SLC25A37: variants seen among roughly 807,000 people sequenced by gnomAD.
The protein encoded by SLC25A37 is mitoferrin-1.
A neutral mutation model predicts 31.0 loss-of-function variants in SLC25A37; 17 were observed. The ratio of observed to expected loss-of-function variants is 0.55; its 90% CI spans 0.38 to 0.82. SLC25A37 has a LOEUF of 0.82. Among genes scored for constraint, SLC25A37 ranks in the 40% least tolerant of loss-of-function variants. SLC25A37 has a pLI of 0.00. For missense variants in SLC25A37, 404 were observed against 465.8 expected, an observed-to-expected ratio of 0.87 and a Z score of 1.22; for synonymous variants, 222 against 193.0, an observed-to-expected ratio of 1.15 and a Z score of -1.24.
At chr8:23,549,206 C>T (rs1334084962) in intron 1 of SLC25A37, among the ~76,000 whole-genome samples, 2 of 152,196 alleles carry the variant, frequency 1.3e-5, no homozygotes, top group East Asian at 1.9e-4. Context: ...GTAGTAGCAG[C>T]GTTTTCTTGC....
At chr8:23,571,188 C>T in intron 3 of SLC25A37, 147 bp from the exon 4 acceptor site, 2 of 941,736 alleles carry the variant, frequency 2.1e-6, no homozygotes, top group Non-Finnish European at 3.1e-6. Context: ...CAGACTAGGG[C>T]TGTGTGTGCT....
chr8:23,548,240 G>A (rs552257893), intron 1 of SLC25A37, among the ~76,000 whole-genome samples: 4 of 152,026 alleles, frequency 2.6e-5, no homozygotes, highest in African/African-American at 4.8e-5. Context: ...CTGCAGTGGC[G>A]CGATCTCGGT....
rs60598421 is a variant in SLC25A37 at position 23,546,602 on chromosome 8, A to ATGTG, written c.210+17406_210+17409dup. On this transcript the variant is annotated intron_variant, in intron 1 of 3. Coordinates refer to ENST00000519973, the MANE Select transcript of SLC25A37 (RefSeq NM_016612.4). Reference sequence around the variant, plus strand: ...TATATAGTGTATATATATATAGTGTATGTGTGTGTGTGTGTGTGTATATAT... The same window carrying ATGTG: ...TATATAGTGTATATATATATAGTGTATGTGTGTGTGTGTGTGTGTGTGTATATAT... 1.7e-4 allele frequency among the ~76,000 whole-genome samples: 10 copies of ATGTG among 58,008 alleles called. 1 individual carries two copies. The East Asian group carries it at 5.9e-3, about 34-fold the overall frequency. The allele number at this position is 58,008 out of a possible 152,430, so 38.1% of individuals were successfully genotyped here. A position where few individuals can be genotyped will look rare whatever the true frequency, so the allele number is the denominator to read the frequency against.
intron 1 of SLC25A37, among the ~76,000 whole-genome samples, chr8:23,534,058 C>T (rs1165464274): frequency 6.6e-6 from 1 of 152,202 alleles, no homozygotes; most frequent in Non-Finnish European, 1.5e-5. Flanking sequence ...GAGTGATCCT[C>T]CCAGCTCAGA....
At position 23,529,172 on chromosome 8, in the gene SLC25A37, T is replaced by G. The variant is rs762308602; in HGVS notation, c.170T>G (p.Ile57Ser). Reference protein sequence around the residue: ...THMTAGAMAGILEHSVMYPVD... With the variant: ...THMTAGAMAGSLEHSVMYPVD... Reference sequence around the variant, plus strand: ...ATGACAGCAGGAGCGATGGCCGGGATCCTGGAGCACTCGGTCATGTACCCG... The same window carrying G: ...ATGACAGCAGGAGCGATGGCCGGGAGCCTGGAGCACTCGGTCATGTACCCG... The change falls in exon 1 of 4, where the codon ATC becomes AGC. Residue 57 changes from isoleucine (I) to serine (S), a missense_variant. Physicochemically the swap from Ile to Ser is moderately radical, Grantham distance 142 (BLOSUM62 -2). Coordinates refer to ENST00000519973, the MANE Select transcript of SLC25A37 (RefSeq NM_016612.4). The surrounding 1 kb of genome is among the most constrained non-coding windows in gnomAD (Gnocchi z 4.1). 1.3e-5 allele frequency: 21 copies of G among 1,611,338 alleles called. No individual in the cohort carries two copies. The highest frequency in any genetic ancestry group is 1.8e-5 in the Non-Finnish European group (21 of 1,179,040).
intron 1 of SLC25A37, among the ~76,000 whole-genome samples, chr8:23,563,994 A>G (rs1230362024): frequency 6.6e-6 from 1 of 152,172 alleles, no homozygotes; most frequent in Non-Finnish European, 1.5e-5. Flanking sequence ...GAAAAAAATA[A>G]AAATAAAGCT....
chr8:23,558,860 A>G (rs1398253227), intron 1 of SLC25A37, among the ~76,000 whole-genome samples: 2 of 152,074 alleles, frequency 1.3e-5, no homozygotes, highest in Admixed American at 1.3e-4. Context: ...GCAGCACGTG[A>G]GGGCTCCTCT....
In SLC25A37 at chr8:23,571,655, G is replaced by C. The variant is rs1458092512; in HGVS notation, c.817G>C (p.Ala273Pro). The change falls in exon 4 of 4, where the codon GCC becomes CCC. Residue 273 changes from alanine (A) to proline (P), a missense_variant. Ala to Pro is a conservative substitution (Grantham distance 27). Around this residue, in one of 3 missense-constraint regions of SLC25A37, gnomAD observed 243 missense variants for 284.4 expected, o/e 0.85. Transcript: ENST00000519973. ...NTQENVALSLANISGRLSGMA... is the reference protein window; with the variant it reads ...NTQENVALSLPNISGRLSGMA... ...TCAGGAGAACGTGGCCCTCTCGCTG[G>C]CCAACATCAGCGGCCGGCTGTCGGG... The C allele has an allele frequency of 3.7e-6, 6 of 1,613,876 alleles. 1 individual carries two copies. In the South Asian group the frequency reaches 6.6e-5, roughly 18 times the overall value.
intron 1 of SLC25A37, among the ~76,000 whole-genome samples, chr8:23,564,703 A>G (rs532219438): frequency 9.2e-5 from 14 of 152,326 alleles, no homozygotes; most frequent in Non-Finnish European, 1.5e-4. Context: ...TTGTAAGACC[A>G]GCCTTTGGTT....
At chr8:23,556,913 C>T (rs1287347050) in intron 1 of SLC25A37, among the ~76,000 whole-genome samples, 2 of 151,960 alleles carry the variant, frequency 1.3e-5, no homozygotes, top group East Asian at 1.9e-4. Flanking sequence ...TGCAATGGTG[C>T]GATCTTGGCT....
intron 2 of SLC25A37, chr8:23,566,769 TAC>T (rs1802672392): frequency 1.0e-6 from 1 of 991,606 alleles, no homozygotes; most frequent in African/African-American, 1.8e-5. Flanking sequence ...TAAAAACTGG[TAC>T]AACAGGTCTC....
intron 1 of SLC25A37, among the ~76,000 whole-genome samples, chr8:23,563,548 C>G (rs1802569865): frequency 6.6e-6 from 1 of 152,196 alleles, no homozygotes; most frequent in South Asian, 2.1e-4. Context: ...ATTGAAATCA[C>G]TTTAAAAAAC....
chr8:23,571,785 C>G lies in SLC25A37; in HGVS notation c.947C>G (p.Ser316Cys). ...VIYQMPSTAISWSVYEFFKYF... is the reference protein window; with the variant it reads ...VIYQMPSTAICWSVYEFFKYF... ...TACCAGATGCCCTCCACCGCCATTT[C>G]TTGGTCTGTCTATGAGTTCTTCAAG... The change falls in exon 4 of 4, where the codon TCT becomes TGT. Residue 316 changes from serine (S) to cysteine (C), a missense_variant. Around this residue, in one of 3 missense-constraint regions of SLC25A37, gnomAD observed 243 missense variants for 284.4 expected, o/e 0.85. Transcript: ENST00000519973. The G allele has an allele frequency of 6.2e-7, 1 of 1,614,066 alleles. No homozygotes were observed. The highest frequency in any genetic ancestry group is 8.5e-7 in the Non-Finnish European group (1 of 1,179,904).
chr8:23,570,490 G>A (rs979795732), intron 3 of SLC25A37, among the ~76,000 whole-genome samples: 3 of 152,062 alleles, frequency 2.0e-5, no homozygotes, highest in African/African-American at 4.8e-5. Flanking sequence ...ATAAACATTC[G>A]CTTACATATT....
In SLC25A37 at chr8:23,571,817, C is replaced by T. The variant is rs368771670; in HGVS notation, c.979C>T (p.Leu327Phe). The change falls in exon 4 of 4, where the codon CTC becomes TTC. Residue 327 changes from leucine to phenylalanine, a missense_variant. Around this residue, in one of 3 missense-constraint regions of SLC25A37, gnomAD observed 243 missense variants for 284.4 expected, o/e 0.85. Transcript: ENST00000519973. Reference sequence around the variant, plus strand: ...TGTCTATGAGTTCTTCAAGTACTTTCTCACCAAGCGCCAGCTGGAAAATCG... The same window carrying T: ...TGTCTATGAGTTCTTCAAGTACTTTTTCACCAAGCGCCAGCTGGAAAATCG... ...WSVYEFFKYF[L>F]TKRQLENRAP... 6.2e-7 allele frequency: 1 copy of T among 1,612,320 alleles called. No individual in the cohort carries two copies. The highest frequency in any genetic ancestry group is 1.3e-5 in the African/African-American group (1 of 74,916).
chr8:23,572,313 T>G lies in SLC25A37; in HGVS notation c.*458T>G, dbSNP rs924933722. The G allele has an allele frequency of 6.5e-6, 1 of 153,018 alleles. No individual in the cohort carries two copies. The highest frequency in any genetic ancestry group is 2.4e-5 in the African/African-American group (1 of 41,084). The allele number at this position is 153,018 out of a possible 1,614,324, so 9.5% of individuals were successfully genotyped here. On this transcript the variant is annotated 3_prime_UTR_variant, in exon 4 of 4. Coordinates refer to ENST00000519973, the MANE Select transcript of SLC25A37 (RefSeq NM_016612.4). ...ATGGATAATGTTTATCCTTTATTTT[T>G]CTATGTAGAAGTTTTTGAATTTGTG...
At chr8:23,540,460 T>C (rs1176016428) in intron 1 of SLC25A37, among the ~76,000 whole-genome samples, 1 of 152,148 alleles carries the variant, frequency 6.6e-6, no homozygotes, top group African/African-American at 2.4e-5. Context: ...ACCCAGAAAG[T>C]GTGGCACAGA....
Position 23,538,361 on chromosome 8 carries a change from A to G in SLC25A37, c.210+9149A>G, listed in dbSNP as rs946869195. 2.4e-4 allele frequency among the ~76,000 whole-genome samples: 35 copies of G among 145,746 alleles called. No homozygotes were observed. In the East Asian group the frequency reaches 2.7e-3, roughly 11 times the overall value. On this transcript the variant is annotated intron_variant, in intron 1 of 3. Coordinates refer to ENST00000519973, the MANE Select transcript of SLC25A37 (RefSeq NM_016612.4). ...GCGCCATTGCACTCCAGCCCGGACA[A>G]CAGAGCGAGACTTCATCTCAAAAAA...
intron 1 of SLC25A37, among the ~76,000 whole-genome samples, chr8:23,542,053 C>G (rs975480951): frequency 5.3e-5 from 8 of 152,216 alleles, no homozygotes; most frequent in Non-Finnish European, 1.0e-4. Flanking sequence ...AGCTTCATCC[C>G]CTGCCCTTCA....
Sources: gnomAD v4.1 joint callset for allele counts (sites outside exome capture counted in the v4.1 genomes callset) on GRCh38, gnomAD v4.1.1 for gene constraint, gnomAD v4.1.1 regional missense constraint, Gnocchi (gnomAD v3.1) non-coding constraint, MANE v1.5 for transcripts, NCBI Gene and HGNC (gene_info 2026-07-23, HGNC 2026-07-21) for gene names.